LPIN1: variants seen among roughly 807,000 people sequenced by gnomAD.
LPIN1 encodes the protein phosphatidate phosphatase LPIN1.
LPIN1 carries 71 observed loss-of-function variants against 107.5 expected under a neutral mutation model. That is an observed-to-expected ratio of 0.66 (90% CI 0.55 to 0.80). The LOEUF (loss-of-function observed/expected upper bound fraction) is 0.80. LPIN1 is among the 30% of genes least tolerant of loss of function. The pLI is 0.00. For missense variants in LPIN1, 1,043 were observed against 1,160.6 expected (o/e 0.90, Z 1.47); for synonymous variants, 445 against 452.6 (o/e 0.98, Z 0.21).
upstream of LPIN1, chr2:11,746,492 A>G (rs1666928955): frequency 1.3e-5 from 3 of 225,064 alleles, no homozygotes; most frequent in Non-Finnish European, 2.2e-5. Context: ...AGGGCCGGCC[A>G]GCAGGCCCTG....
chr2:11,742,434 T>G (rs1219777980), upstream of LPIN1, among the ~76,000 whole-genome samples: 3 of 152,332 alleles, frequency 2.0e-5, no homozygotes, highest in East Asian at 5.8e-4. Flanking sequence ...CACTGGAGAA[T>G]GTGAGACTTG....
chr2:11,747,722 TC>T (rs1280401714), intron 1 of LPIN1, among the ~76,000 whole-genome samples: 9 of 152,260 alleles, frequency 5.9e-5, no homozygotes, highest in Non-Finnish European at 8.8e-5. Flanking sequence ...AATAAGCACA[TC>T]CACACATGAA....
At chr2:11,743,576 G>A (rs1553411269), upstream of LPIN1, among the ~76,000 whole-genome samples, 1 of 152,128 alleles carries the variant, frequency 6.6e-6, no homozygotes, top group Non-Finnish European at 1.5e-5. The surrounding 1 kb of genome is among the most constrained non-coding windows in gnomAD (Gnocchi z 4.7). Context: ...CTCGTGAGGG[G>A]CCCCCAACCA....
chr2:11,745,204 T>C (rs1263551284), upstream of LPIN1: 1 of 152,292 alleles, frequency 6.6e-6, no homozygotes, highest in Non-Finnish European at 1.5e-5. Context: ...CCGGTTCCAT[T>C]CATCAGTAAG....
chr2:11,698,569 C>T lies in LPIN1; in HGVS notation c.82-15187C>T, dbSNP rs553357566. The stretch of plus-strand genomic sequence containing the variant: ...CAGGCCCAGGTTGTTAAAAGCTGGT[C>T]TTCTAGATTGCCCGACACCATGCCT... On this transcript the variant is annotated intron_variant, in intron 1 of 21. Coordinates refer to the LPIN1 transcript ENST00000449576. 1.5e-4 allele frequency among the ~76,000 whole-genome samples: 23 copies of T among 152,276 alleles called. 1 individual carries two copies. The South Asian group carries it at 4.8e-3, about 32-fold the overall frequency.
rs1251085851 is a variant in LPIN1, at chr2:11,803,838, C to T, written c.2014-585C>T. Among the ~76,000 whole-genome samples the T allele has an allele frequency of 6.6e-6, 1 of 152,108 alleles. No homozygotes were observed. Among genetic ancestry groups the T allele is most frequent in the Non-Finnish European group, 1.5e-5 (1 of 68,038 alleles). ...CCTGGCACAGAGACTCAAAACTGCT[C>T]AAAAGTCACTTTGTATTTTGAATTT... On this transcript the variant is annotated intron_variant, in intron 15 of 20. Coordinates refer to ENST00000674199, the MANE Select transcript of LPIN1 (RefSeq NM_001349206.2). The surrounding 1 kb of genome is among the most constrained non-coding windows in gnomAD (Gnocchi z 4.2).
chr2:11,788,247 G>A (rs1002203215), intron 11 of LPIN1, 140 bp from the exon 12 acceptor site: 24 of 674,802 alleles, frequency 3.6e-5, no homozygotes, highest in Non-Finnish European at 6.5e-5. Flanking sequence ...ATGGAGGAGG[G>A]CTGGGGGCTA....
chr2:11,813,964 A>AAGTT (rs1680127434), intron 17 of LPIN1, among the ~76,000 whole-genome samples: 1 of 152,122 alleles, frequency 6.6e-6, no homozygotes, highest in African/African-American at 2.4e-5. Context: ...TAACGCAATA[A>AAGTT]AGTTGTGTTC....
At chr2:11,737,794 T>C (rs1274521397) in intron 1 of LPIN1, among the ~76,000 whole-genome samples, 6 of 152,234 alleles carry the variant, frequency 3.9e-5, no homozygotes, top group Non-Finnish European at 1.5e-5. Flanking sequence ...GGTGGGTGTG[T>C]AAATTAGTTC....
chr2:11,792,152 G>C (rs1675868255), intron 13 of LPIN1, 146 bp downstream of exon 13: 1 of 715,228 alleles, frequency 1.4e-6, no homozygotes, highest in South Asian at 1.5e-5. Flanking sequence ...GAAGTAGGGC[G>C]AGTGCTCGTG....
intron 1 of LPIN1, among the ~76,000 whole-genome samples, chr2:11,760,712 G>GA (rs1427530800): frequency 6.6e-6 from 1 of 152,152 alleles, no homozygotes; most frequent in Non-Finnish European, 1.5e-5. Flanking sequence ...GAGACCATGG[G>GA]GAGGGGGAGG....
chr2:11,678,441 G>T (rs1453041304), intron 1 of LPIN1, among the ~76,000 whole-genome samples: 1 of 152,222 alleles, frequency 6.6e-6, no homozygotes, highest in Non-Finnish European at 1.5e-5. Flanking sequence ...TGAGGATAAT[G>T]TGTCAAACCA....
intron 17 of LPIN1, among the ~76,000 whole-genome samples, chr2:11,809,586 T>C (rs1015737927): frequency 3.3e-5 from 5 of 152,142 alleles, no homozygotes; most frequent in African/African-American, 1.2e-4. Context: ...CCGGGTAATT[T>C]TGTATTTTTA....
chr2:11,809,456 G>T (rs1359289251), intron 17 of LPIN1, among the ~76,000 whole-genome samples: 1 of 151,812 alleles, frequency 6.6e-6, no homozygotes, highest in Non-Finnish European at 1.5e-5. Flanking sequence ...TGCTCTTGTT[G>T]TCCAGGCTGG....
At chr2:11,704,323 G>T (rs1329386713) in intron 1 of LPIN1, among the ~76,000 whole-genome samples, 1 of 152,238 alleles carries the variant, frequency 6.6e-6, no homozygotes, top group African/African-American at 2.4e-5. Flanking sequence ...TGAAGCTTAA[G>T]CCTTCCATAT....
rs1254909452 is a variant in LPIN1 at position 11,774,215 on chromosome 2, G to A, written c.722+470G>A. Reference sequence around the variant, plus strand: ...AATGAACTCACAAGTTGCCCTAGAGGAAAACTTGGAGAACTAGAGCTGCTC... The same window carrying A: ...AATGAACTCACAAGTTGCCCTAGAGAAAAACTTGGAGAACTAGAGCTGCTC... On this transcript the variant is annotated intron_variant, in intron 5 of 20. Coordinates refer to ENST00000674199, the MANE Select transcript of LPIN1 (RefSeq NM_001349206.2). The surrounding 1 kb of genome is among the most constrained non-coding windows in gnomAD (Gnocchi z 4.4). Among the ~76,000 whole-genome samples the A allele has an allele frequency of 1.3e-5, 2 of 152,198 alleles. No individual in the cohort carries two copies. Among genetic ancestry groups the A allele is most frequent in the Non-Finnish European group, 2.9e-5 (2 of 68,030 alleles).
At chr2:11,778,893 C>T (rs577525565) in intron 6 of LPIN1, among the ~76,000 whole-genome samples, 1 of 152,276 alleles carries the variant, frequency 6.6e-6, no homozygotes, top group Non-Finnish European at 1.5e-5. Context: ...CGAGCCTTAA[C>T]CAGTTGGTGA....
Position 11,779,601 on chromosome 2 carries a change from C to A in LPIN1, c.913C>A (p.Pro305Thr), listed in dbSNP as rs765611859. ...KSTERTGQKN[P>T]EMLWLWGELP... Reference sequence around the variant, plus strand: ...CACGGAAAGGACAGGGCAGAAGAACCCAGAAATGCTTTGGCTGTGGGGAGA... The same window carrying A: ...CACGGAAAGGACAGGGCAGAAGAACACAGAAATGCTTTGGCTGTGGGGAGA... The change falls in exon 7 of 21, where the codon CCA (proline) becomes ACA (threonine). Residue 305 changes from proline (P) to threonine (T), a missense_variant. Coordinates refer to ENST00000674199, the MANE Select transcript of LPIN1 (RefSeq NM_001349206.2). 6.2e-7 allele frequency: 1 copy of A among 1,614,094 alleles called. No homozygotes were observed. The highest frequency in any genetic ancestry group is 8.5e-7 in the Non-Finnish European group (1 of 1,179,998).
rs925403333 is a variant in LPIN1 at position 11,697,372 on chromosome 2, T to C, written c.82-16384T>C. On this transcript the variant is annotated intron_variant, in intron 1 of 21. Transcript: ENST00000449576. The surrounding 1 kb of genome is among the most constrained non-coding windows in gnomAD (Gnocchi z 4.6). ...GGAACAGCAAGCAAGCAGCTCCTGG[T>C]GGCCTGTGGCCAGTGCAGGAGGAAC... 3.3e-5 allele frequency among the ~76,000 whole-genome samples: 5 copies of C among 152,230 alleles called. No individual in the cohort carries two copies. The highest frequency in any genetic ancestry group is 6.5e-5 in the Admixed American group (1 of 15,284).
Sources: allele counts gnomAD v4.1 joint callset (sites outside exome capture counted in the v4.1 genomes callset), GRCh38; gene constraint gnomAD v4.1.1; non-coding constraint Gnocchi (gnomAD v3.1); transcripts MANE v1.5; gene names NCBI Gene and HGNC (gene_info 2026-07-23, HGNC 2026-07-21).